The following CAMK1D variants were observed in gnomAD, a reference collection of about 807,000 sequenced individuals.
The protein encoded by CAMK1D is calcium/calmodulin-dependent protein kinase type 1D.
CAMK1D carries 9 observed loss-of-function variants against 47.7 expected under a neutral mutation model. That is an observed-to-expected ratio of 0.19 (90% confidence interval 0.11 to 0.33). CAMK1D has a LOEUF of 0.33. Ranked by LOEUF, CAMK1D falls within the 10% of genes least tolerant of loss-of-function variation. The probability of loss-of-function intolerance (pLI) is 1.00; values close to 1 mark genes in which losing one functional copy is unlikely to be tolerated. For missense variants in CAMK1D, 291 were observed against 488.7 expected (o/e 0.60, Z 3.81); for synonymous variants, 184 against 184.9 (o/e 0.99, Z 0.04).
chr10:12,431,334 G>A (rs1296461716), intron 1 of CAMK1D, among the ~76,000 whole-genome samples: 6 of 152,202 alleles, frequency 3.9e-5, no homozygotes, highest in African/African-American at 1.4e-4. Flanking sequence ...TGAGGGCACA[G>A]GTGGAAACGG....
At chr10:12,536,636 A>AG (rs1564397909) in intron 1 of CAMK1D, among the ~76,000 whole-genome samples, 1 of 152,150 alleles carries the variant, frequency 6.6e-6, no homozygotes, top group Non-Finnish European at 1.5e-5. Flanking sequence ...TTACTCGAAG[A>AG]GGGGGGTGTA....
At chr10:12,748,674 C>T (rs1178390582) in intron 3 of CAMK1D, among the ~76,000 whole-genome samples, 2 of 152,176 alleles carry the variant, frequency 1.3e-5, no homozygotes, top group Non-Finnish European at 1.5e-5. Context: ...CTGGAAAGCT[C>T]CTGCTGACAG....
At chr10:12,574,656 C>G (rs1168679706) in intron 2 of CAMK1D, among the ~76,000 whole-genome samples, 1 of 151,734 alleles carries the variant, frequency 6.6e-6, no homozygotes, top group African/African-American at 2.4e-5. Context: ...CTTCTTCCTC[C>G]TCGTGTTAGT....
chr10:12,571,164 G>A (rs902092830), intron 2 of CAMK1D, among the ~76,000 whole-genome samples: 1 of 151,992 alleles, frequency 6.6e-6, no homozygotes. Flanking sequence ...AATGCTCACA[G>A]GGCCAGGTGC....
intron 2 of CAMK1D, among the ~76,000 whole-genome samples, chr10:12,645,000 C>CTTT (rs5783281): frequency 1.3e-5 from 2 of 149,106 alleles, no homozygotes; most frequent in African/African-American, 4.9e-5. Flanking sequence ...GAATTTGTGA[C>CTTT]TTTTTTTTTT....
At chr10:12,356,364 C>T (rs949353715) in intron 1 of CAMK1D, among the ~76,000 whole-genome samples, 12 of 152,248 alleles carry the variant, frequency 7.9e-5, no homozygotes, top group African/African-American at 2.6e-4. Flanking sequence ...CCTGCTCTGT[C>T]TACACATTAT....
At chr10:12,760,830 C>A in intron 3 of CAMK1D, 118 bp from the exon 4 acceptor site, 2 of 1,141,662 alleles carry the variant, frequency 1.8e-6, no homozygotes, top group Non-Finnish European at 1.3e-6. Flanking sequence ...GGGGCAACAT[C>A]TCAATCTGAA....
At chr10:12,703,813 G>T (rs1423440713) in intron 3 of CAMK1D, among the ~76,000 whole-genome samples, 1 of 150,500 alleles carries the variant, frequency 6.6e-6, no homozygotes, top group East Asian at 1.9e-4. Flanking sequence ...AGGTTGCAGT[G>T]AGCCGAGATC....
intron 3 of CAMK1D, among the ~76,000 whole-genome samples, chr10:12,688,097 G>C (rs925695660): frequency 2.0e-5 from 3 of 152,166 alleles, no homozygotes. Flanking sequence ...TTTAATGCAG[G>C]CTCTGCTGAC....
chr10:12,787,026 G>A (rs1425995247), intron 5 of CAMK1D, among the ~76,000 whole-genome samples: 1 of 152,294 alleles, frequency 6.6e-6, no homozygotes, highest in East Asian at 1.9e-4. Context: ...GGGAGACTGA[G>A]GTGGGAGAAT....
intron 5 of CAMK1D, among the ~76,000 whole-genome samples, chr10:12,789,227 T>C (rs1298182879): frequency 3.3e-5 from 5 of 152,260 alleles, no homozygotes; most frequent in African/African-American, 1.2e-4. Flanking sequence ...GATTTTTGTT[T>C]TTTAGCTCAT....
intron 1 of CAMK1D, among the ~76,000 whole-genome samples, chr10:12,500,164 G>T (rs1010988365): frequency 1.3e-5 from 2 of 152,190 alleles, no homozygotes; most frequent in African/African-American, 4.8e-5. Flanking sequence ...TACTTGGGAG[G>T]CTGAGGCAAG....
At chr10:12,738,742 G>A (rs1835291079) in intron 3 of CAMK1D, among the ~76,000 whole-genome samples, 1 of 152,112 alleles carries the variant, frequency 6.6e-6, no homozygotes, top group Non-Finnish European at 1.5e-5. Flanking sequence ...TGAGGCAGGA[G>A]GAGCGCGTAA....
intron 2 of CAMK1D, among the ~76,000 whole-genome samples, chr10:12,563,319 A>C (rs1047199704): frequency 1.3e-5 from 2 of 151,986 alleles, no homozygotes; most frequent in Non-Finnish European, 2.9e-5. Context: ...ACACCACTGC[A>C]CCCCAGTCTG....
intron 2 of CAMK1D, among the ~76,000 whole-genome samples, chr10:12,605,290 C>A (rs1272795506): frequency 2.0e-5 from 3 of 150,592 alleles, no homozygotes; most frequent in African/African-American, 4.9e-5. Context: ...TCCCTGTGAA[C>A]CATATGGCTT....
At chr10:12,754,139 C>T (rs1297008309) in intron 3 of CAMK1D, among the ~76,000 whole-genome samples, 4 of 152,142 alleles carry the variant, frequency 2.6e-5, no homozygotes, top group African/African-American at 9.7e-5. Flanking sequence ...GATTCACCCA[C>T]CTCAGCTGCC....
intron 3 of CAMK1D, among the ~76,000 whole-genome samples, chr10:12,681,566 T>A (rs1199034877): frequency 6.6e-6 from 1 of 152,268 alleles, no homozygotes; most frequent in Non-Finnish European, 1.5e-5. Context: ...TCAGCAGCAT[T>A]CTGCTCTCTT....
At chr10:12,769,906 A>C in intron 5 of CAMK1D, 107 bp downstream of exon 5, 1 of 1,263,708 alleles carries the variant, frequency 7.9e-7, no homozygotes, top group Non-Finnish European at 1.1e-6. Context: ...TGAGCTTGGC[A>C]TGTAATCACA....
chr10:12,401,057 A>ATATATATTTTATATATATAATATATGTAT (rs1839164926), intron 1 of CAMK1D, among the ~76,000 whole-genome samples: 7 of 99,928 alleles, frequency 7.0e-5, no homozygotes, highest in African/African-American at 2.3e-4. Context: ...TATATATTAT[A>ATATATATTTTATATATATAATATATGTAT]TATATATTTT....
Sources: allele counts gnomAD v4.1 joint callset (sites outside exome capture counted in the v4.1 genomes callset), GRCh38; gene constraint gnomAD v4.1.1; transcripts MANE v1.5; gene names NCBI Gene and HGNC (gene_info 2026-07-23, HGNC 2026-07-21).